The following NT5DC1 variants were observed in gnomAD, a reference collection of about 807,000 sequenced individuals.
NT5DC1 encodes 5'-nucleotidase domain-containing protein 1.
Under a neutral mutation model 59.4 loss-of-function variants are expected in NT5DC1, and 42 were observed. That is an observed-to-expected ratio of 0.71 (90% CI 0.55 to 0.92). NT5DC1 has a LOEUF of 0.92. NT5DC1 is among the 40% of genes least tolerant of loss of function. The pLI, the probability that NT5DC1 is intolerant of heterozygous loss-of-function variation, is 0.00. For missense variants in NT5DC1, 501 were observed against 537.1 expected (o/e 0.93, Z 0.66); for synonymous variants, 172 against 188.1 (o/e 0.91, Z 0.70).
chr6:116,245,446 T>C lies in NT5DC1; in HGVS notation c.*1422T>C, dbSNP rs1212260600. Reference sequence around the variant, plus strand: ...TCTCAGATATACTGTGGGATGAGTATCTCAGGGTAAGTAACAAAAAAACAA... The same window carrying C: ...TCTCAGATATACTGTGGGATGAGTACCTCAGGGTAAGTAACAAAAAAACAA... On this transcript the variant is annotated 3_prime_UTR_variant, in exon 12 of 12. Transcript: ENST00000319550. 2.6e-5 allele frequency: 4 copies of C among 152,462 alleles called. No individual in the cohort carries two copies. Among genetic ancestry groups the C allele is most frequent in the Non-Finnish European group, 5.9e-5 (4 of 67,974 alleles). 9.4% of individuals were successfully genotyped at this position (152,462 alleles called of 1,614,324 possible).
At position 116,151,544 on chromosome 6, in the gene NT5DC1, A is replaced by G. The variant is rs184563388; in HGVS notation, c.529+33599A>G. 2.0e-4 allele frequency among the ~76,000 whole-genome samples: 31 copies of G among 152,330 alleles called. No homozygotes were observed. The East Asian group carries it at 4.8e-3, about 24-fold the overall frequency. ...TGTTTAAATTCGTTAATATAAGACT[A>G]TTAAGTAATGTATATATGTGGCCTG... On this transcript the variant is annotated intron_variant, in intron 6 of 11. Transcript: ENST00000319550.
At position 116,117,965 on chromosome 6, in the gene NT5DC1, G is replaced by T. The variant is rs558921299; in HGVS notation, c.529+20G>T. On this transcript the variant is annotated intron_variant, in intron 6 of 11. Coordinates refer to ENST00000319550, the MANE Select transcript of NT5DC1 (RefSeq NM_152729.3). ...TTAAGGGTAAGTATTGTGAAGAGGGGCCTTCTAATACGTGTTTGTTAAGCT... is the reference window on the plus strand; with the variant it reads ...TTAAGGGTAAGTATTGTGAAGAGGGTCCTTCTAATACGTGTTTGTTAAGCT... 5 of 1,178,522 alleles carry T rather than the reference G, an allele frequency of 4.2e-6. No homozygotes were observed. Among genetic ancestry groups the T allele is most frequent in the Non-Finnish European group, 6.4e-6 (5 of 782,286 alleles). 73.0% of individuals were successfully genotyped at this position (1,178,522 alleles called of 1,614,324 possible).
Position 116,246,929 on chromosome 6 carries a change from C to G in NT5DC1, c.*2905C>G, listed in dbSNP as rs1771859728. 6.6e-6 allele frequency: 1 copy of G among 152,108 alleles called. No homozygotes were observed. Among genetic ancestry groups the G allele is most frequent in the African/African-American group, 2.4e-5 (1 of 41,426 alleles). The allele number at this position is 152,108 out of a possible 1,614,324, so 9.4% of individuals were successfully genotyped here. Reference sequence around the variant, plus strand: ...AGTGGTCATGAGTAGCCTCACTAGGCTACTTCATGTACATTATCTTGTTTA... The same window carrying G: ...AGTGGTCATGAGTAGCCTCACTAGGGTACTTCATGTACATTATCTTGTTTA... On this transcript the variant is annotated 3_prime_UTR_variant, in exon 12 of 12. Coordinates refer to ENST00000319550, the MANE Select transcript of NT5DC1 (RefSeq NM_152729.3).
At chr6:116,135,864 TATATATATAC>T (rs1282877741) in intron 6 of NT5DC1, among the ~76,000 whole-genome samples, 5,148 of 108,576 alleles carry the variant, frequency 0.047, 147 homozygotes, top group Non-Finnish European at 0.062. Context: ...TATATATATA[TATATATATAC>T]ACACATACAC....
chr6:116,112,631 G>A lies in NT5DC1; in HGVS notation c.364+1675G>A, dbSNP rs1056821511. 1.1e-4 allele frequency among the ~76,000 whole-genome samples: 17 copies of A among 152,164 alleles called. 1 individual carries two copies. The highest frequency in any genetic ancestry group is 4.1e-4 in the African/African-American group (17 of 41,428). On this transcript the variant is annotated intron_variant, in intron 4 of 11. Transcript: ENST00000319550. Reference sequence around the variant, plus strand: ...TGGGATGCTCTGCAATTCAGTGCCTGTATCGTGATATATTTAATCAGGCTC... The same window carrying A: ...TGGGATGCTCTGCAATTCAGTGCCTATATCGTGATATATTTAATCAGGCTC...
At chr6:116,208,882 TAA>T (rs1781515012) in intron 6 of NT5DC1, among the ~76,000 whole-genome samples, 1 of 152,008 alleles carries the variant, frequency 6.6e-6, no homozygotes, top group African/African-American at 2.4e-5. Flanking sequence ...TAGAATATAC[TAA>T]TAGAGAACCC....
At position 116,239,004 on chromosome 6, in the gene NT5DC1, T is replaced by C; in HGVS notation, c.1133T>C (p.Phe378Ser). The change falls in exon 11 of 12, where the codon TTT becomes TCT. Residue 378 changes from phenylalanine to serine, a missense_variant. Phe to Ser is a radical substitution (Grantham distance 155, BLOSUM62 -2). Transcript: ENST00000319550. ...LNTSSKKWGS[F>S]FIDSVLGLEN... ...ACTTCATCTAAAAAATGGGGCTCTT[T>C]TTTTATTGATTCAGTTTTGGGACTG... The C allele has an allele frequency of 6.2e-7, 1 of 1,609,794 alleles. No individual in the cohort carries two copies. The highest frequency in any genetic ancestry group is 2.2e-5 in the East Asian group (1 of 44,802).
In NT5DC1 at chr6:116,247,451, G is replaced by A. The variant is rs1325114524; in HGVS notation, c.*3427G>A. 6.6e-6 allele frequency: 1 copy of A among 152,044 alleles called. No homozygotes were observed. Among genetic ancestry groups the A allele is most frequent in the East Asian group, 1.9e-4 (1 of 5,188 alleles). 9.4% of individuals were successfully genotyped at this position (152,044 alleles called of 1,614,324 possible). ...GGGTTAATGTTCACCTTGACTGCTT[G>A]GTAAATTTCCCTCACTGGTGCTGAA... is the stretch of plus-strand genomic sequence containing the variant. On this transcript the variant is annotated 3_prime_UTR_variant, in exon 12 of 12. Transcript: ENST00000319550.
intron 6 of NT5DC1, among the ~76,000 whole-genome samples, chr6:116,178,100 C>A: frequency 9.7e-6 from 1 of 102,962 alleles, no homozygotes. Context: ...CGCGCGCGCG[C>A]GCGTGCGTGC....
At chr6:116,113,729 T>G (rs1190594458) in intron 4 of NT5DC1, among the ~76,000 whole-genome samples, 1 of 152,178 alleles carries the variant, frequency 6.6e-6, no homozygotes, top group African/African-American at 2.4e-5. Flanking sequence ...TAATTAGAAC[T>G]CAGCCCTTAC....
At chr6:116,225,995 A>G (rs565498242) in intron 8 of NT5DC1, among the ~76,000 whole-genome samples, 6 of 152,322 alleles carry the variant, frequency 3.9e-5, no homozygotes, top group South Asian at 2.1e-4. Flanking sequence ...GCACCCCCCA[A>G]CGACGAAGAA....
chr6:116,192,420 C>T (rs1384279383), intron 6 of NT5DC1, among the ~76,000 whole-genome samples: 1 of 151,918 alleles, frequency 6.6e-6, no homozygotes, highest in Non-Finnish European at 1.5e-5. Context: ...ATATTCCCCT[C>T]CATTATTTTA....
At chr6:116,117,769 G>C in intron 5 of NT5DC1, 92 bp from the exon 6 acceptor site, 1 of 693,474 alleles carries the variant, frequency 1.4e-6, no homozygotes, top group Admixed American at 2.5e-5. Flanking sequence ...CTTAAGTCAG[G>C]GACTGTCTGC....
chr6:116,229,986 A>T (rs1478824993), intron 8 of NT5DC1, among the ~76,000 whole-genome samples: 2 of 152,104 alleles, frequency 1.3e-5, no homozygotes, highest in Admixed American at 6.5e-5. Flanking sequence ...ACAACCAAAC[A>T]TGCCGGTCAC....
chr6:116,217,806 G>A (rs1030091606), intron 6 of NT5DC1, among the ~76,000 whole-genome samples: 9 of 151,858 alleles, frequency 5.9e-5, no homozygotes, highest in Non-Finnish European at 1.0e-4. Context: ...TTTCTTTGGG[G>A]GATATAATTT....
chr6:116,139,124 G>A (rs962560056), intron 6 of NT5DC1, among the ~76,000 whole-genome samples: 1 of 152,042 alleles, frequency 6.6e-6, no homozygotes, highest in Non-Finnish European at 1.5e-5. Flanking sequence ...ACAGAAAAAA[G>A]GATAAAGAGT....
intron 1 of NT5DC1, among the ~76,000 whole-genome samples, chr6:116,101,962 C>G (rs1445272244): frequency 6.6e-6 from 1 of 152,212 alleles, no homozygotes; most frequent in East Asian, 1.9e-4. Flanking sequence ...TCTGTGACTT[C>G]GAGGAAGTTA....
intron 6 of NT5DC1, chr6:116,121,516 A>C: frequency 6.2e-7 from 1 of 1,613,892 alleles, no homozygotes; most frequent in African/African-American, 1.3e-5. Flanking sequence ...GACCCCTCTC[A>C]CCTGGACGAC....
At chr6:116,158,448 T>G (rs1780254051) in intron 6 of NT5DC1, among the ~76,000 whole-genome samples, 1 of 152,204 alleles carries the variant, frequency 6.6e-6, no homozygotes, top group African/African-American at 2.4e-5. Flanking sequence ...AGATAAAAAC[T>G]TAGCAATCTT....
Sources: gnomAD v4.1 joint callset for allele counts (sites outside exome capture counted in the v4.1 genomes callset) on GRCh38, gnomAD v4.1.1 for gene constraint, MANE v1.5 for transcripts, NCBI Gene and HGNC (gene_info 2026-07-23, HGNC 2026-07-21) for gene names.